CHRM2: variants seen among roughly 807,000 people sequenced by gnomAD.
CHRM2 encodes muscarinic acetylcholine receptor M2.
Under a neutral mutation model 25.0 loss-of-function variants are expected in CHRM2, and 8 were observed. That is an observed-to-expected ratio of 0.32 (90% confidence interval 0.19 to 0.58). The LOEUF (loss-of-function observed/expected upper bound fraction) is 0.58. Among genes scored for constraint, CHRM2 ranks in the 20% least tolerant of loss-of-function variants. The probability of loss-of-function intolerance (pLI) is 0.88; values close to 1 mark genes in which losing one functional copy is unlikely to be tolerated. For missense variants in CHRM2, 440 were observed against 567.1 expected (o/e 0.78, Z 2.28); for synonymous variants, 202 against 205.7 (o/e 0.98, Z 0.15).
intron 2 of CHRM2, among the ~76,000 whole-genome samples, chr7:136,918,707 A>C (rs922832239): frequency 6.6e-6 from 1 of 152,072 alleles, no homozygotes; most frequent in Non-Finnish European, 1.5e-5. Context: ...GTACAGGTGC[A>C]TGCCACCATG....
rs1208166293 is a variant in CHRM2 at position 137,018,784 on chromosome 7, T to C, written c.*2518T>C. ...AGAAATTGAAGATAGGCTGACACCATGGAAACTACGTCAAACAGATAAGAA... is the reference window on the plus strand; with the variant it reads ...AGAAATTGAAGATAGGCTGACACCACGGAAACTACGTCAAACAGATAAGAA... On this transcript the variant is annotated 3_prime_UTR_variant, in exon 4 of 4. Coordinates refer to ENST00000680005, the MANE Select transcript of CHRM2 (RefSeq NM_001006630.2). 6.6e-6 allele frequency: 1 copy of C among 151,836 alleles called. No homozygotes were observed. The highest frequency in any genetic ancestry group is 1.5e-5 in the Non-Finnish European group (1 of 67,904). The allele number at this position is 151,836 out of a possible 1,614,324, so 9.4% of individuals were successfully genotyped here.
chr7:136,986,346 T>C (rs921696218), intron 2 of CHRM2, among the ~76,000 whole-genome samples: 1 of 152,194 alleles, frequency 6.6e-6, no homozygotes, highest in African/African-American at 2.4e-5. Flanking sequence ...ATTAGTACTT[T>C]TCTATACCCT....
At chr7:136,911,483 G>T (rs943190358) in intron 2 of CHRM2, among the ~76,000 whole-genome samples, 1 of 151,606 alleles carries the variant, frequency 6.6e-6, no homozygotes. Flanking sequence ...TTTCTGGCAG[G>T]GCTGGGACTC....
chr7:136,973,269 C>T (rs1430003342), intron 2 of CHRM2, among the ~76,000 whole-genome samples: 2 of 77,250 alleles, frequency 2.6e-5, no homozygotes, highest in East Asian at 4.9e-4. Flanking sequence ...ATGATGGTGA[C>T]GGTGTTAGGG....
At chr7:136,871,669 C>T (rs1231381980) in intron 2 of CHRM2, 1 of 152,296 alleles carries the variant, frequency 6.6e-6, no homozygotes, top group Non-Finnish European at 1.5e-5. Flanking sequence ...AACAGGCATA[C>T]CTGTGCCATT....
At chr7:136,995,638 C>T (rs1015310620) in intron 3 of CHRM2, among the ~76,000 whole-genome samples, 4 of 151,944 alleles carry the variant, frequency 2.6e-5, no homozygotes, top group Non-Finnish European at 5.9e-5. Flanking sequence ...GTGGTGCACA[C>T]CTGTGGTCCA....
intron 2 of CHRM2, among the ~76,000 whole-genome samples, chr7:136,952,181 T>C (rs969517213): frequency 1.3e-5 from 2 of 152,154 alleles, no homozygotes; most frequent in Non-Finnish European, 2.9e-5. Flanking sequence ...ACAATACCTT[T>C]CCAACATTTG....
chr7:136,988,313 A>G (rs1248078323), intron 2 of CHRM2, among the ~76,000 whole-genome samples: 1 of 151,806 alleles, frequency 6.6e-6, no homozygotes, highest in Non-Finnish European at 1.5e-5. Context: ...TGAGGGAAGG[A>G]GAGGGAAGGG....
At chr7:136,893,151 T>C (rs17168785) in intron 2 of CHRM2, among the ~76,000 whole-genome samples, 1 of 152,166 alleles carries the variant, frequency 6.6e-6, no homozygotes, top group Non-Finnish European at 1.5e-5. Flanking sequence ...AGCAGACTTC[T>C]GGGAATAGAC....
At chr7:136,949,544 C>A (rs1800273473) in intron 2 of CHRM2, among the ~76,000 whole-genome samples, 1 of 150,716 alleles carries the variant, frequency 6.6e-6, no homozygotes, top group South Asian at 2.1e-4. Context: ...GGGAGGATTG[C>A]TGGAGCCTAG....
intron 2 of CHRM2, among the ~76,000 whole-genome samples, chr7:136,877,485 A>G (rs917085545): frequency 9.2e-5 from 14 of 151,896 alleles, no homozygotes; most frequent in African/African-American, 3.4e-4. Context: ...TATCTTCATG[A>G]TTCCAGAGCT....
At chr7:136,987,656 A>T (rs946153318) in intron 2 of CHRM2, among the ~76,000 whole-genome samples, 1 of 152,176 alleles carries the variant, frequency 6.6e-6, no homozygotes, top group African/African-American at 2.4e-5. Context: ...GGGTAGGGCA[A>T]ATGACAAATG....
intron 2 of CHRM2, among the ~76,000 whole-genome samples, chr7:136,978,677 A>G (rs961860608): frequency 6.6e-6 from 1 of 151,908 alleles, no homozygotes; most frequent in Admixed American, 6.6e-5. Context: ...TTCAACTCCC[A>G]CTTATGAGTG....
At chr7:136,950,482 C>T (rs1167083866) in intron 2 of CHRM2, among the ~76,000 whole-genome samples, 2 of 152,082 alleles carry the variant, frequency 1.3e-5, no homozygotes, top group African/African-American at 2.4e-5. Flanking sequence ...GGTTATTTGC[C>T]AGGAAATGGA....
intron 2 of CHRM2, among the ~76,000 whole-genome samples, chr7:136,975,345 A>G (rs1367580548): frequency 6.6e-6 from 1 of 152,186 alleles, no homozygotes; most frequent in Non-Finnish European, 1.5e-5. Flanking sequence ...GGATTTAAAC[A>G]TGGTCCATAG....
chr7:137,005,554 C>T (rs1199516257), intron 3 of CHRM2, among the ~76,000 whole-genome samples: 1 of 152,170 alleles, frequency 6.6e-6, no homozygotes, highest in East Asian at 1.9e-4. Flanking sequence ...TCTTTATCTT[C>T]TCTCTTCTCC....
At chr7:136,877,351 A>G (rs1796089683) in intron 2 of CHRM2, among the ~76,000 whole-genome samples, 1 of 152,062 alleles carries the variant, frequency 6.6e-6, no homozygotes. Context: ...TTTGCATACA[A>G]TATGTCCTTG....
In CHRM2 at chr7:136,900,708, C is replaced by CT. The variant is rs201170550; in HGVS notation, c.-125+31298dup. Among the ~76,000 whole-genome samples the CT allele has an allele frequency of 7.0e-3, 1,069 of 151,936 alleles. 4 individuals carry two copies. The highest frequency in any genetic ancestry group is 0.01 in the Admixed American group (159 of 15,252). On this transcript the variant is annotated intron_variant, in intron 2 of 3. Coordinates refer to ENST00000680005, the MANE Select transcript of CHRM2 (RefSeq NM_001006630.2). ...ATTATCTTGCCAACTGCTAAACAAT[C>CT]TTTTTTTTAAAAAAAGAATTGTTAT...
chr7:136,951,319 ACCTCC>A (rs1800401583), intron 2 of CHRM2, among the ~76,000 whole-genome samples: 1 of 152,142 alleles, frequency 6.6e-6, no homozygotes, highest in Admixed American at 6.6e-5. Context: ...CCAGCACAGC[ACCTCC>A]CAGTCTGGAG....
Sources: gnomAD v4.1 joint callset for allele counts (sites outside exome capture counted in the v4.1 genomes callset) on GRCh38, gnomAD v4.1.1 for gene constraint, MANE v1.5 for transcripts, NCBI Gene and HGNC (gene_info 2026-07-23, HGNC 2026-07-21) for gene names.